The following ADARB1 variants were observed in gnomAD, a reference collection of about 807,000 sequenced individuals.
ADARB1 encodes the protein double-stranded RNA-specific editase 1.
ADARB1 carries 10 observed loss-of-function variants against 52.4 expected under a neutral mutation model. That is an observed-to-expected ratio of 0.19 (90% confidence interval 0.12 to 0.32). The LOEUF (loss-of-function observed/expected upper bound fraction) is 0.32. ADARB1 is among the 10% of genes least tolerant of loss of function. The pLI is 1.00. For missense variants in ADARB1, 643 were observed against 922.3 expected, an observed-to-expected ratio of 0.70 and a Z score of 3.92; for synonymous variants, 349 against 371.1, an observed-to-expected ratio of 0.94 and a Z score of 0.68.
At chr21:45,117,831 AC>A (rs938298619) in intron 1 of ADARB1, among the ~76,000 whole-genome samples, 4 of 151,942 alleles carry the variant, frequency 2.6e-5, no homozygotes, top group South Asian at 2.1e-4. Flanking sequence ...CTCCCTCCCC[AC>A]CCCATGCCCC....
At chr21:45,148,772 C>A (rs1170377922) in intron 2 of ADARB1, among the ~76,000 whole-genome samples, 1 of 152,186 alleles carries the variant, frequency 6.6e-6, no homozygotes, top group Non-Finnish European at 1.5e-5. Context: ...AGCGTTGTTT[C>A]TCTACTCCTG....
chr21:45,183,483 T>A lies in ADARB1; in HGVS notation c.1369T>A (p.Phe457Ile). ...STSPCGDARI[F>I]SPHEPILEEP... ...CTCTCCCTGTGGAGATGCCAGAATC[T>A]TCTCACCACATGAGCCAATCCTGGA... Residue 457 changes from phenylalanine to isoleucine, a missense_variant, in exon 7 of 11, where the codon TTC (phenylalanine) becomes ATC (isoleucine). This residue lies in a region of ADARB1 where 263 missense variants were observed against 475.8 expected (regional missense o/e 0.55). Coordinates refer to ENST00000348831, the MANE Select transcript of ADARB1 (RefSeq NM_001112.4). The A allele has an allele frequency of 6.2e-7, 1 of 1,611,396 alleles. No homozygotes were observed. Among genetic ancestry groups the A allele is most frequent in the Non-Finnish European group, 8.5e-7 (1 of 1,179,280 alleles).
chr21:45,077,195 T>C (rs1008461383), intron 1 of ADARB1, among the ~76,000 whole-genome samples: 1 of 152,274 alleles, frequency 6.6e-6, no homozygotes, highest in Non-Finnish European at 1.5e-5. Context: ...AACTGGGTTT[T>C]ATTCCCTTGA....
At chr21:45,187,294 C>A (rs2092141234) in intron 8 of ADARB1, among the ~76,000 whole-genome samples, 1 of 152,068 alleles carries the variant, frequency 6.6e-6, no homozygotes, top group Admixed American at 6.5e-5. Flanking sequence ...AAATTGTTTT[C>A]TTAATTCCCT....
chr21:45,205,108 A>C (rs995624115), intron 9 of ADARB1, among the ~76,000 whole-genome samples: 6 of 152,160 alleles, frequency 3.9e-5, no homozygotes, highest in South Asian at 4.1e-4. Context: ...AAAATACAAA[A>C]AAATCAGCCA....
chr21:45,180,965 C>T (rs1208277688), intron 5 of ADARB1, among the ~76,000 whole-genome samples: 3 of 152,170 alleles, frequency 2.0e-5, no homozygotes, highest in African/African-American at 4.8e-5. Context: ...GTCCTCTCCC[C>T]ACATCCCGCG....
intron 2 of ADARB1, among the ~76,000 whole-genome samples, chr21:45,167,319 ATTG>A (rs1448636821): frequency 9.9e-5 from 15 of 152,196 alleles, no homozygotes; most frequent in Non-Finnish European, 1.5e-4. Context: ...CTGCACTTTT[ATTG>A]TTGTTGTAAA....
rs1416327833 is a variant in ADARB1, at chr21:45,176,189, C to T, written c.488C>T (p.Thr163Met). ...LAMGRTLSVN[T>M]DFTSDQADFP... ...ATGGGGAGGACCCTGTCTGTCAACA[C>T]GGACTTCACATCTGACCAGGCCGAC... Residue 163 changes from threonine (T) to methionine (M), a missense_variant, in exon 4 of 11, where the codon ACG (threonine) becomes ATG (methionine). By Grantham distance (81) the Thr-to-Met change is moderately conservative. Coordinates refer to ENST00000348831, the MANE Select transcript of ADARB1 (RefSeq NM_001112.4). The surrounding 1 kb of genome is among the most constrained non-coding windows in gnomAD (Gnocchi z 5.8). 1.2e-5 allele frequency: 20 copies of T among 1,614,092 alleles called. No individual in the cohort carries two copies. Among genetic ancestry groups the T allele is most frequent in the South Asian group, 2.2e-5 (2 of 91,090 alleles).
chr21:45,123,713 G>A (rs981775525), intron 1 of ADARB1, among the ~76,000 whole-genome samples: 1 of 152,076 alleles, frequency 6.6e-6, no homozygotes, highest in Non-Finnish European at 1.5e-5. Context: ...CAGTCCTCCC[G>A]CCTTAGCCTG....
intron 1 of ADARB1, among the ~76,000 whole-genome samples, chr21:45,122,853 G>T (rs2088284304): frequency 6.6e-6 from 1 of 152,166 alleles, no homozygotes; most frequent in African/African-American, 2.4e-5. Context: ...TTTGTGTGAG[G>T]AATATAAAGT....
chr21:45,186,328 A>T (rs890266402), intron 8 of ADARB1, among the ~76,000 whole-genome samples: 1 of 152,172 alleles, frequency 6.6e-6, no homozygotes, highest in Non-Finnish European at 1.5e-5. Context: ...TTCCTTCATG[A>T]TGGGACACCC....
intron 8 of ADARB1, among the ~76,000 whole-genome samples, chr21:45,186,359 A>G (rs1374340112): frequency 1.3e-5 from 2 of 152,180 alleles, no homozygotes; most frequent in East Asian, 3.8e-4. Flanking sequence ...TAACTCCCTT[A>G]TACATGTAGT....
At chr21:45,077,609 A>G (rs1020986274) in intron 1 of ADARB1, among the ~76,000 whole-genome samples, 1 of 151,966 alleles carries the variant, frequency 6.6e-6, no homozygotes. Context: ...GGAGCTTGCA[A>G]TGAGCTGAGA....
chr21:45,182,624 C>T lies in ADARB1; in HGVS notation c.1118C>T (p.Thr373Ile). The change falls in exon 6 of 11, where the codon ACA (threonine) becomes ATA (isoleucine). Residue 373 changes from threonine to isoleucine, a missense_variant. Physicochemically the swap from Thr to Ile is moderately conservative, Grantham distance 89. Transcript: ENST00000348831. ...VKDAKVISVSTGTKCINGEYM... is the reference protein window; with the variant it reads ...VKDAKVISVSIGTKCINGEYM... Reference sequence around the variant, plus strand: ...GATGCCAAGGTGATAAGTGTTTCTACAGGAACAAAATGTATTAATGGTGAA... The same window carrying T: ...GATGCCAAGGTGATAAGTGTTTCTATAGGAACAAAATGTATTAATGGTGAA... 1.9e-6 allele frequency: 3 copies of T among 1,601,014 alleles called. No individual in the cohort carries two copies. Among genetic ancestry groups the T allele is most frequent in the Non-Finnish European group, 2.6e-6 (3 of 1,176,180 alleles).
At chr21:45,129,099 T>G (rs1366928633) in intron 2 of ADARB1, among the ~76,000 whole-genome samples, 2 of 151,996 alleles carry the variant, frequency 1.3e-5, no homozygotes, top group Non-Finnish European at 2.9e-5. Flanking sequence ...GGTGTGATGG[T>G]GCACGCTTGT....
chr21:45,088,780 G>A (rs1008355193), intron 1 of ADARB1, among the ~76,000 whole-genome samples: 2 of 152,206 alleles, frequency 1.3e-5, no homozygotes, highest in Admixed American at 1.3e-4. Flanking sequence ...CGTCACCTGG[G>A]CGATCAAGAT....
chr21:45,114,671 C>T (rs937755203), intron 1 of ADARB1, among the ~76,000 whole-genome samples: 1 of 152,238 alleles, frequency 6.6e-6, no homozygotes, highest in Non-Finnish European at 1.5e-5. Context: ...TCATCGTCAC[C>T]TTAACATTGT....
chr21:45,136,674 A>C lies in ADARB1; in HGVS notation c.-48+8101A>C, dbSNP rs530196500. Among the ~76,000 whole-genome samples, 3 of 152,374 alleles carry C rather than the reference A, an allele frequency of 2.0e-5. No individual in the cohort carries two copies. The East Asian group carries it at 5.8e-4, about 29-fold the overall frequency. On this transcript the variant is annotated intron_variant, in intron 2 of 10. Transcript: ENST00000348831. Reference sequence around the variant, plus strand: ...AAACAGTAGAGCTGCCCCACCAGCCAGCGGCTGCTGGGAGAGCAGGGGTGT... The same window carrying C: ...AAACAGTAGAGCTGCCCCACCAGCCCGCGGCTGCTGGGAGAGCAGGGGTGT...
intron 1 of ADARB1, among the ~76,000 whole-genome samples, chr21:45,120,583 G>C (rs553201738): frequency 6.6e-6 from 1 of 152,232 alleles, no homozygotes; most frequent in East Asian, 1.9e-4. Context: ...TGTTCATGAT[G>C]GCCTTATCAC....
Sources: gnomAD v4.1 joint callset for allele counts (sites outside exome capture counted in the v4.1 genomes callset) on GRCh38, gnomAD v4.1.1 for gene constraint, gnomAD v4.1.1 regional missense constraint, Gnocchi (gnomAD v3.1) non-coding constraint, MANE v1.5 for transcripts, NCBI Gene and HGNC (gene_info 2026-07-23, HGNC 2026-07-21) for gene names.